PDE4D: variants seen among roughly 807,000 people sequenced by gnomAD.
The protein encoded by PDE4D is 3',5'-cyclic-AMP phosphodiesterase 4D.
Under a neutral mutation model 87.4 loss-of-function variants are expected in PDE4D, and 24 were observed. That is an observed-to-expected ratio of 0.27 (90% confidence interval 0.20 to 0.39). The LOEUF (loss-of-function observed/expected upper bound fraction) is 0.39. Among genes scored for constraint, PDE4D ranks in the 10% least tolerant of loss-of-function variants. The probability of loss-of-function intolerance (pLI) is 1.00; values close to 1 mark genes in which losing one functional copy is unlikely to be tolerated. For synonymous variants in PDE4D, 384 were observed against 383.2 expected (o/e 1.00, Z -0.02); for missense variants, 714 against 1,041.0 (o/e 0.69, Z 4.32).
intron 1 of PDE4D, among the ~76,000 whole-genome samples, chr5:59,748,387 A>C (rs1024928799): frequency 6.6e-6 from 1 of 152,172 alleles, no homozygotes. Context: ...AATAGCAAAG[A>C]CTTGGAACCA....
rs117306668 is a variant in PDE4D at position 59,885,454 on chromosome 5, A to G, written c.455+7714T>C. Among the ~76,000 whole-genome samples the G allele has an allele frequency of 1.6e-3, 238 of 152,282 alleles. 3 individuals are homozygous for G. The East Asian group carries it at 0.039, about 25-fold the overall frequency. On this transcript the variant is annotated intron_variant, in intron 1 of 14. Coordinates refer to ENST00000340635, the MANE Select transcript of PDE4D (RefSeq NM_001104631.2). ...GCTTACTTTCAGCCACCCCAACGAT[A>G]ATCTTACTCCATTAGTATACTATGT...
Position 59,625,199 on chromosome 5 carries a change from A to G in PDE4D, c.455+267969T>C, listed in dbSNP as rs376428742. On this transcript the variant is annotated intron_variant, in intron 1 of 14. Transcript: ENST00000340635. ...AGCAAAAAAGGAAGTCAGAGAGATG[A>G]AGTGTGAGAGGGGAGGTCTTCCACG... Among the ~76,000 whole-genome samples the G allele has an allele frequency of 6.6e-5, 10 of 152,290 alleles. No individual in the cohort carries two copies. The South Asian group carries it at 1.7e-3, about 25-fold the overall frequency.
chr5:59,406,016 T>C (rs919318816), intron 1 of PDE4D, among the ~76,000 whole-genome samples: 1 of 152,216 alleles, frequency 6.6e-6, no homozygotes, highest in Non-Finnish European at 1.5e-5. Context: ...CTTTGGTCTG[T>C]TTCGGTATGA....
chr5:60,145,586 T>C (rs749455931), intron 2 of PDE4D, among the ~76,000 whole-genome samples: 8 of 152,188 alleles, frequency 5.3e-5, no homozygotes, highest in Non-Finnish European at 1.0e-4. Flanking sequence ...TTTGAAGAAG[T>C]ATTTGGAAAC....
At chr5:59,577,937 C>T (rs1823446888) in intron 1 of PDE4D, among the ~76,000 whole-genome samples, 1 of 152,108 alleles carries the variant, frequency 6.6e-6, no homozygotes, top group Admixed American at 6.6e-5. Context: ...TGGGTTACAT[C>T]AGTTCTGGTT....
At chr5:60,162,616 CTTGT>C (rs1782555449) in intron 2 of PDE4D, among the ~76,000 whole-genome samples, 1 of 152,054 alleles carries the variant, frequency 6.6e-6, no homozygotes, top group African/African-American at 2.4e-5. Context: ...ACCTGGGGAG[CTTGT>C]TTAACTGTGG....
chr5:59,794,723 C>G (rs1290619225), intron 1 of PDE4D, among the ~76,000 whole-genome samples: 1 of 152,064 alleles, frequency 6.6e-6, no homozygotes, highest in African/African-American at 2.4e-5. Flanking sequence ...GCATTCAAAA[C>G]AACTCTTTGT....
intron 10 of PDE4D, 132 bp from the exon 11 acceptor site, chr5:58,988,724 A>T: frequency 2.3e-6 from 1 of 428,330 alleles, no homozygotes; most frequent in East Asian, 3.4e-5. Flanking sequence ...CAATGTGTCA[A>T]GGGAGAGTCT....
intron 3 of PDE4D, among the ~76,000 whole-genome samples, chr5:59,971,795 A>T (rs1760795379): frequency 6.6e-6 from 1 of 152,232 alleles, no homozygotes; most frequent in South Asian, 2.1e-4. Context: ...TAGCAAAGTC[A>T]GGGCACTTTC....
intron 3 of PDE4D, among the ~76,000 whole-genome samples, chr5:59,955,901 C>T (rs891521834): frequency 2.0e-5 from 3 of 152,084 alleles, no homozygotes; most frequent in South Asian, 2.1e-4. Flanking sequence ...AATAATTAAA[C>T]GGCCCTGTAT....
chr5:60,037,646 T>C (rs1434977208), intron 2 of PDE4D, among the ~76,000 whole-genome samples: 1 of 152,222 alleles, frequency 6.6e-6, no homozygotes, highest in Non-Finnish European at 1.5e-5. Flanking sequence ...GACAGGTGAT[T>C]CTAAAAATAA....
chr5:60,234,857 T>C (rs1746245036), intron 1 of PDE4D, among the ~76,000 whole-genome samples: 2 of 151,880 alleles, frequency 1.3e-5, no homozygotes, highest in Non-Finnish European at 1.5e-5. Context: ...TAATCCTTTA[T>C]TATTTTATTG....
intron 1 of PDE4D, among the ~76,000 whole-genome samples, chr5:59,754,137 C>G (rs1261095613): frequency 2.0e-5 from 3 of 152,096 alleles, no homozygotes; most frequent in African/African-American, 7.2e-5. Context: ...CGAGACCAGC[C>G]TGGCAAACAT....
At chr5:59,679,417 A>G (rs1259264626) in intron 1 of PDE4D, among the ~76,000 whole-genome samples, 2 of 152,186 alleles carry the variant, frequency 1.3e-5, no homozygotes, top group African/African-American at 4.8e-5. Flanking sequence ...TAGTCCTCCA[A>G]ATAGGTAATC....
intron 5 of PDE4D, among the ~76,000 whole-genome samples, chr5:59,133,630 C>A (rs1028046159): frequency 6.6e-6 from 1 of 152,202 alleles, no homozygotes; most frequent in Non-Finnish European, 1.5e-5. Context: ...GCTCTGCCCA[C>A]CCTACCCCTT....
At chr5:59,794,779 A>G (rs979867148) in intron 1 of PDE4D, among the ~76,000 whole-genome samples, 4 of 152,164 alleles carry the variant, frequency 2.6e-5, no homozygotes, top group Non-Finnish European at 5.9e-5. Flanking sequence ...TTGTGCAAAA[A>G]AAAGTTTAAG....
At chr5:59,504,937 T>C (rs569879475) in intron 1 of PDE4D, among the ~76,000 whole-genome samples, 13 of 131,820 alleles carry the variant, frequency 9.9e-5, no homozygotes, top group South Asian at 4.5e-4. Context: ...TGTGTGTGTG[T>C]GTGCGTGCGC....
chr5:59,643,342 A>G (rs1224895023), intron 1 of PDE4D, among the ~76,000 whole-genome samples: 1 of 152,186 alleles, frequency 6.6e-6, no homozygotes, highest in African/African-American at 2.4e-5. Context: ...GAACTCAGGG[A>G]CATCTGCACA....
intron 2 of PDE4D, among the ~76,000 whole-genome samples, chr5:60,046,299 ATG>A (rs1415484648): frequency 6.6e-6 from 1 of 152,216 alleles, no homozygotes; most frequent in Non-Finnish European, 1.5e-5. Context: ...ATATACAATC[ATG>A]TCGTCTGCAA....
Sources: gnomAD v4.1 joint callset for allele counts (sites outside exome capture counted in the v4.1 genomes callset) on GRCh38, gnomAD v4.1.1 for gene constraint, MANE v1.5 for transcripts, NCBI Gene and HGNC (gene_info 2026-07-23, HGNC 2026-07-21) for gene names.